Variants in ZNF582 observed in about 807,000 individuals in gnomAD.
The protein encoded by ZNF582 is zinc finger protein 582.
In ZNF582, 14 loss-of-function variants were observed where a neutral mutation model predicts 12.3. The observed-to-expected ratio is 1.14, with a 90% confidence interval of 0.75 to 1.78. ZNF582 has a LOEUF of 1.78. Among genes scored for constraint, ZNF582 ranks in the 40% most tolerant of loss-of-function variants. The pLI, the probability that ZNF582 is intolerant of heterozygous loss-of-function variation, is 0.00. For synonymous variants in ZNF582, 210 were observed against 207.2 expected, an observed-to-expected ratio of 1.01 and a Z score of -0.11; for missense variants, 567 against 616.5, an observed-to-expected ratio of 0.92 and a Z score of 0.85.
exon 5 of ZNF582, chr19:56,383,841 G>A: frequency 6.6e-7 from 1 of 1,522,672 alleles, no homozygotes; most frequent in Admixed American, 2.3e-5. Context: ...AGAGGGAGAA[G>A]TAAGTCACAG....
intron 4 of ZNF582, among the ~76,000 whole-genome samples, chr19:56,389,442 G>C (rs1426237901): frequency 1.3e-5 from 2 of 152,200 alleles, no homozygotes; most frequent in East Asian, 3.9e-4. Context: ...ACCAAATACT[G>C]CATGTTCTCA....
At chr19:56,388,706 C>T (rs1388412133) in intron 4 of ZNF582, among the ~76,000 whole-genome samples, 2 of 152,118 alleles carry the variant, frequency 1.3e-5, no homozygotes, top group Non-Finnish European at 2.9e-5. Context: ...GATCTCGGAT[C>T]ACTGCAATCT....
intron 1 of ZNF582, among the ~76,000 whole-genome samples, chr19:56,392,988 T>C (rs1484475859): frequency 1.3e-5 from 2 of 152,206 alleles, no homozygotes; most frequent in Non-Finnish European, 2.9e-5. Flanking sequence ...AAGGATGGCC[T>C]GTGATCCACT....
intron 2 of ZNF582, 84 bp downstream of exon 2, chr19:56,391,660 T>C: frequency 7.8e-7 from 1 of 1,283,976 alleles, no homozygotes; most frequent in Non-Finnish European, 1.1e-6. Context: ...AATGGGAAAG[T>C]CTGAGAACCA....
chr19:56,393,313 A>T (rs2042033670), exon 1 of ZNF582: 1 of 1,191,222 alleles, frequency 8.4e-7, no homozygotes, highest in Non-Finnish European at 1.1e-6. Context: ...ATGTAGTCTC[A>T]CGCCGGTAAA....
At chr19:56,392,941 G>A (rs938171792) in intron 1 of ZNF582, among the ~76,000 whole-genome samples, 1 of 152,114 alleles carries the variant, frequency 6.6e-6, no homozygotes, top group South Asian at 2.1e-4. Context: ...ACTTTTATAA[G>A]CATTATTTGT....
chr19:56,385,498 CA>C (rs1389196210), intron 4 of ZNF582, among the ~76,000 whole-genome samples: 1 of 152,090 alleles, frequency 6.6e-6, no homozygotes, highest in Non-Finnish European at 1.5e-5. Flanking sequence ...CCAGCTTCAG[CA>C]ACACAGCAAG....
exon 4 of ZNF582, chr19:56,390,046 C>G: frequency 6.2e-7 from 1 of 1,614,008 alleles, no homozygotes; most frequent in South Asian, 1.1e-5. Context: ...ATCCAGGGCT[C>G]TTTGCCTTGC....
exon 5 of ZNF582, chr19:56,383,929 GATT>G (rs773798012): frequency 6.2e-7 from 1 of 1,610,144 alleles, no homozygotes; most frequent in Non-Finnish European, 8.5e-7. Context: ...ATTCTCTGAT[GATT>G]AGTAAGGGGT....
intron 4 of ZNF582, among the ~76,000 whole-genome samples, chr19:56,388,683 A>G (rs1380403465): frequency 6.6e-6 from 1 of 151,956 alleles, no homozygotes; most frequent in East Asian, 1.9e-4. Flanking sequence ...CCCCAGCTGG[A>G]GCGCAGTGGT....
rs578049512 is a variant in ZNF582, at chr19:56,393,292, G to T, written c.-153C>A. 472 of 1,237,846 alleles carry T rather than the reference G, an allele frequency of 3.8e-4. 1 individual carries two copies. In the African/African-American group the frequency reaches 6.6e-3, roughly 17 times the overall value. The allele number at this position is 1,237,846 out of a possible 1,614,324, so 76.7% of individuals were successfully genotyped here. A position where few individuals can be genotyped will look rare whatever the true frequency, so the allele number is the denominator to read the frequency against. ...GCGCCAGAAAGCGCACGCCGCGAGG[G>T]CCGGCGGGAAATGTAGTCTCACGCC... On this transcript the variant is annotated 5_prime_UTR_variant, in exon 1 of 5. Transcript: ENST00000586929.
intron 4 of ZNF582, among the ~76,000 whole-genome samples, chr19:56,387,981 T>C (rs960632013): frequency 3.3e-5 from 5 of 152,188 alleles, no homozygotes; most frequent in African/African-American, 1.2e-4. Flanking sequence ...AGCTAAATAG[T>C]CAACATTGTA....
chr19:56,392,757 C>T (rs1173875493), intron 1 of ZNF582, among the ~76,000 whole-genome samples: 6 of 152,184 alleles, frequency 3.9e-5, no homozygotes, highest in Non-Finnish European at 8.8e-5. Flanking sequence ...CAAGTATTCG[C>T]AGTGTTGTCA....
At chr19:56,390,182 G>A (rs752334802) in intron 3 of ZNF582, 86 bp from the exon 4 acceptor site, 145 of 1,393,654 alleles carry the variant, frequency 1.0e-4, no homozygotes, top group Non-Finnish European at 1.3e-4. Flanking sequence ...AGCAGGAGAG[G>A]CAGTTGCAGG....
chr19:56,382,867 T>A (rs2041929205), exon 5 of ZNF582: 1 of 152,174 alleles, frequency 6.6e-6, no homozygotes, highest in African/African-American at 2.4e-5. Context: ...TGAGGTCCAC[T>A]TTTTTCTCTT....
chr19:56,392,234 A>C (rs1004687961), intron 1 of ZNF582, among the ~76,000 whole-genome samples: 1 of 152,004 alleles, frequency 6.6e-6, no homozygotes, highest in Admixed American at 6.6e-5. Context: ...AGGCCATTTA[A>C]CTCTCTCCTG....
chr19:56,391,916 C>A (rs1202609200), intron 1 of ZNF582, 84 bp from the exon 2 acceptor site: 40 of 1,159,676 alleles, frequency 3.4e-5, no homozygotes, highest in Non-Finnish European at 1.2e-6. Flanking sequence ...CACCTGCTTG[C>A]CCTCTGCCCA....
exon 2 of ZNF582, chr19:56,391,786 C>T (rs2042015884): frequency 6.2e-7 from 1 of 1,614,070 alleles, no homozygotes; most frequent in African/African-American, 1.3e-5. Flanking sequence ...ATAGGTCCTC[C>T]TTCTGGTTCC....
At chr19:56,390,865 A>G (rs537831189) in intron 2 of ZNF582, among the ~76,000 whole-genome samples, 19 of 152,342 alleles carry the variant, frequency 1.2e-4, no homozygotes, top group Admixed American at 1.2e-3. Context: ...TGGAATAACA[A>G]TAACAACAAA....
Sources: allele counts gnomAD v4.1 joint callset (sites outside exome capture counted in the v4.1 genomes callset), GRCh38; gene constraint gnomAD v4.1.1; transcripts MANE v1.5; gene names NCBI Gene and HGNC (gene_info 2026-07-23, HGNC 2026-07-21).